Variants in C2CD5 observed in about 807,000 individuals in gnomAD.
The protein encoded by C2CD5 is C2 domain-containing protein 5.
A neutral mutation model predicts 130.3 loss-of-function variants in C2CD5; 109 were observed. That is an observed-to-expected ratio of 0.84 (90% confidence interval 0.72 to 0.98). The LOEUF (loss-of-function observed/expected upper bound fraction) is 0.98. Ranked by LOEUF, C2CD5 falls within the 50% of genes least tolerant of loss-of-function variation. C2CD5 has a pLI of 0.00. For missense variants in C2CD5, 996 were observed against 1,261.8 expected, an observed-to-expected ratio of 0.79 and a Z score of 3.19; for synonymous variants, 454 against 429.2, an observed-to-expected ratio of 1.06 and a Z score of -0.71.
chr12:22,537,439 G>A (rs775659574), intron 2 of C2CD5, among the ~76,000 whole-genome samples: 4 of 152,176 alleles, frequency 2.6e-5, no homozygotes, highest in Middle Eastern at 3.4e-3. Flanking sequence ...GAAAAAGGCT[G>A]GAGTGTGTAT....
At chr12:22,537,023 T>C (rs1951882287) in intron 2 of C2CD5, among the ~76,000 whole-genome samples, 2 of 152,176 alleles carry the variant, frequency 1.3e-5, no homozygotes, top group South Asian at 4.1e-4. Flanking sequence ...ACTGTTAGGA[T>C]TTATAAAAAC....
intron 10 of C2CD5, 135 bp downstream of exon 10, chr12:22,506,571 ATATAT>A: frequency 1.8e-6 from 1 of 560,358 alleles, no homozygotes; most frequent in Non-Finnish European, 3.2e-6. Flanking sequence ...ATGACTACAA[ATATAT>A]TAAAGTAACG....
intron 14 of C2CD5, 87 bp from the exon 15 acceptor site, chr12:22,478,564 A>G: frequency 8.5e-7 from 1 of 1,171,442 alleles, no homozygotes; most frequent in South Asian, 1.4e-5. Context: ...TGTGGTCAAC[A>G]GCTGGGTGCA....
rs181736538 is a variant in C2CD5 at position 22,453,866 on chromosome 12, G to A, written c.3024+30C>T. 5.1e-5 allele frequency: 82 copies of A among 1,602,644 alleles called. No individual in the cohort carries two copies. In the African/African-American group the frequency reaches 8.0e-4, roughly 16 times the overall value. On this transcript the variant is annotated intron_variant, in intron 26 of 26. Coordinates refer to ENST00000446597, the MANE Select transcript of C2CD5 (RefSeq NM_001286176.2). Reference sequence around the variant, plus strand: ...CCATGGAAGAAATTCTCAGGTTCCCGCCAATCAGGAATTTTTAACTGCATC... The same window carrying A: ...CCATGGAAGAAATTCTCAGGTTCCCACCAATCAGGAATTTTTAACTGCATC...
intron 10 of C2CD5, among the ~76,000 whole-genome samples, chr12:22,504,304 C>CTTT (rs10707954): frequency 2.2e-5 from 3 of 135,616 alleles, no homozygotes; most frequent in South Asian, 2.3e-4. Flanking sequence ...GTTTTTTTTT[C>CTTT]TTTTTTTTTT....
intron 2 of C2CD5, among the ~76,000 whole-genome samples, chr12:22,543,272 T>G (rs1366866639): frequency 6.6e-6 from 1 of 152,276 alleles, no homozygotes; most frequent in African/African-American, 2.4e-5. Context: ...GGTTATTACC[T>G]TCCGGCCGTA....
chr12:22,509,001 C>T (rs570221807), intron 9 of C2CD5, among the ~76,000 whole-genome samples: 17 of 151,740 alleles, frequency 1.1e-4, no homozygotes, highest in Middle Eastern at 3.4e-3. Context: ...CTCAGCCTCC[C>T]GAGTAGCTGG....
intron 14 of C2CD5, among the ~76,000 whole-genome samples, chr12:22,481,649 C>CTTTTTTTTT (rs34990025): frequency 2.6e-5 from 3 of 116,448 alleles, no homozygotes; most frequent in Non-Finnish European, 5.3e-5. Flanking sequence ...AGAAACACAC[C>CTTTTTTTTT]TTTTTTTTTT....
At chr12:22,462,724 C>A (rs563067635) in intron 22 of C2CD5, among the ~76,000 whole-genome samples, 2 of 152,114 alleles carry the variant, frequency 1.3e-5, no homozygotes, top group East Asian at 3.9e-4. Context: ...TTAGCTGCAG[C>A]GATTATTTGA....
intron 12 of C2CD5, among the ~76,000 whole-genome samples, chr12:22,487,119 C>T (rs1945644014): frequency 6.6e-6 from 1 of 152,142 alleles, no homozygotes; most frequent in South Asian, 2.1e-4. Context: ...AAAACCTAGG[C>T]AATACCATTC....
intron 10 of C2CD5, among the ~76,000 whole-genome samples, chr12:22,501,115 A>G (rs1947723076): frequency 6.6e-6 from 1 of 152,208 alleles, no homozygotes; most frequent in South Asian, 2.1e-4. Flanking sequence ...GTTGTTTCTG[A>G]AGATATACTA....
At chr12:22,487,147 A>G (rs1945650461) in intron 12 of C2CD5, among the ~76,000 whole-genome samples, 2 of 152,342 alleles carry the variant, frequency 1.3e-5, no homozygotes, top group Non-Finnish European at 2.9e-5. Flanking sequence ...AGGCATGGAC[A>G]AGGACTTCAT....
intron 14 of C2CD5, among the ~76,000 whole-genome samples, chr12:22,479,180 T>C (rs1055427175): frequency 6.6e-6 from 1 of 152,026 alleles, no homozygotes; most frequent in Non-Finnish European, 1.5e-5. Flanking sequence ...TTCAAGCGAT[T>C]CTTCTGCCTC....
intron 9 of C2CD5, among the ~76,000 whole-genome samples, chr12:22,510,834 T>C (rs771603483): frequency 2.0e-5 from 3 of 152,190 alleles, no homozygotes; most frequent in Non-Finnish European, 2.9e-5. Flanking sequence ...AAAAGTCTTA[T>C]TGAAAAACAA....
chr12:22,515,372 C>A (rs1028010729), intron 8 of C2CD5, among the ~76,000 whole-genome samples: 1 of 152,152 alleles, frequency 6.6e-6, no homozygotes, highest in African/African-American at 2.4e-5. Flanking sequence ...TTACAAACTT[C>A]ACATTCATTA....
At position 22,530,103 on chromosome 12, in the gene C2CD5, TATATATATACACACACACAC is replaced by T. The variant is rs1394689529; in HGVS notation, c.178-2231_178-2212del. The stretch of plus-strand genomic sequence containing the variant: ...ATATATATATATATATATATATATA[TATATATATACACACACACAC>T]ACACACACACACACACAGTGTATAT... On this transcript the variant is annotated intron_variant, in intron 3 of 26. Coordinates refer to ENST00000446597, the MANE Select transcript of C2CD5 (RefSeq NM_001286176.2). Among the ~76,000 whole-genome samples the T allele has an allele frequency of 4.1e-4, 47 of 115,740 alleles. 1 individual carries two copies. The South Asian group carries it at 8.7e-3, about 21-fold the overall frequency. 75.9% of individuals were successfully genotyped at this position (115,740 alleles called of 152,430 possible). A position where few individuals can be genotyped will look rare whatever the true frequency, so the allele number is the denominator to read the frequency against.
At chr12:22,490,309 AT>A (rs1444727897) in intron 11 of C2CD5, 91 bp from the exon 12 acceptor site, 2 of 844,804 alleles carry the variant, frequency 2.4e-6, no homozygotes, top group Non-Finnish European at 3.8e-6. Context: ...AACAGTGACA[AT>A]TTAAGTTCAA....
At chr12:22,538,197 T>G (rs1952003591) in intron 2 of C2CD5, among the ~76,000 whole-genome samples, 1 of 152,238 alleles carries the variant, frequency 6.6e-6, no homozygotes, top group Non-Finnish European at 1.5e-5. Context: ...AACTGTTTAG[T>G]CATCTTTTTT....
chr12:22,473,086 T>A (rs1203627984), intron 16 of C2CD5, among the ~76,000 whole-genome samples: 1 of 152,156 alleles, frequency 6.6e-6, no homozygotes, highest in Non-Finnish European at 1.5e-5. Context: ...AAAGACATCA[T>A]AAGCAATCAT....
Sources: gnomAD v4.1 joint callset for allele counts (sites outside exome capture counted in the v4.1 genomes callset) on GRCh38, gnomAD v4.1.1 for gene constraint, MANE v1.5 for transcripts, NCBI Gene and HGNC (gene_info 2026-07-23, HGNC 2026-07-21) for gene names.